The following NOLC1 variants were observed in gnomAD, a reference collection of about 807,000 sequenced individuals.
The protein encoded by NOLC1 is 140 kDa nucleolar phosphoprotein.
Under a neutral mutation model 73.4 loss-of-function variants are expected in NOLC1, and 37 were observed. The observed-to-expected ratio is 0.50, with a 90% confidence interval of 0.39 to 0.66. The LOEUF is 0.66. Ranked by LOEUF, NOLC1 falls within the 30% of genes least tolerant of loss-of-function variation. The pLI is 0.00. For missense variants in NOLC1, 921 were observed against 838.9 expected (o/e 1.10, Z -1.21); for synonymous variants, 327 against 302.6 (o/e 1.08, Z -0.84).
Position 102,162,179 on chromosome 10 carries a change from T to G in NOLC1, c.2010T>G (p.Phe670Leu), listed in dbSNP as rs773870640. 1.2e-6 allele frequency: 2 copies of G among 1,614,078 alleles called. No homozygotes were observed. Among genetic ancestry groups the G allele is most frequent in the Admixed American group, 3.3e-5 (2 of 60,000 alleles). ...TGAAGTTCACCAAAGGCAAGTCCTT[T>G]CGGCATGAGAAAACCAAGAAGAAGC... is the stretch of plus-strand genomic sequence containing the variant. ...QVLKFTKGKS[F>L]RHEKTKKKRG... is the part of the protein sequence containing the mutation. Residue 670 changes from phenylalanine to leucine, a missense_variant, in exon 13 of 13, where the codon TTT (phenylalanine) becomes TTG (leucine). Coordinates refer to ENST00000605788, the MANE Select transcript of NOLC1 (RefSeq NM_004741.5).
At chr10:102,156,272 G>A (rs1483760297) in intron 1 of NOLC1, among the ~76,000 whole-genome samples, 2 of 152,172 alleles carry the variant, frequency 1.3e-5, no homozygotes, top group African/African-American at 4.8e-5. Flanking sequence ...TAAAGAGAGA[G>A]CCTTTTTTTT....
chr10:102,157,934 A>G (rs2069625771), intron 4 of NOLC1, 115 bp from the exon 5 acceptor site: 1 of 936,522 alleles, frequency 1.1e-6, no homozygotes, highest in Non-Finnish European at 1.6e-6. Flanking sequence ...TCCTGTCCTT[A>G]GCTTTCTTTT....
rs775513334 is a variant in NOLC1, at chr10:102,157,015, A to G, written c.121-4A>G. The G allele has an allele frequency of 1.2e-5, 20 of 1,614,116 alleles. No individual in the cohort carries two copies. The highest frequency in any genetic ancestry group is 1.7e-4 in the Middle Eastern group (1 of 6,058). Reference sequence around the variant, plus strand: ...TTCCTTACCCAGCTCTTTTTCTTCTACAGACACAGCAGGATGCCAATGCCT... The same window carrying G: ...TTCCTTACCCAGCTCTTTTTCTTCTGCAGACACAGCAGGATGCCAATGCCT... On this transcript the variant is annotated splice_polypyrimidine_tract_variant and splice_region_variant and intron_variant, in intron 1 of 12. Transcript: ENST00000605788.
rs989665105 is a variant in NOLC1 at position 102,158,037 on chromosome 10, C to G, written c.442-12C>G. On this transcript the variant is annotated splice_polypyrimidine_tract_variant and intron_variant, in intron 4 of 12. Transcript: ENST00000605788. The stretch of plus-strand genomic sequence containing the variant: ...CTTTTGCTGATTTCTCTCCTTGTGT[C>G]TTTTCTAACAGAAGGGAGTTAAGCC... The G allele has an allele frequency of 6.2e-7, 1 of 1,610,294 alleles. No individual in the cohort carries two copies. Among genetic ancestry groups the G allele is most frequent in the African/African-American group, 1.3e-5 (1 of 74,798 alleles).
chr10:102,157,695 G>A (rs2069623002), intron 4 of NOLC1, 140 bp downstream of exon 4: 13 of 1,063,280 alleles, frequency 1.2e-5, no homozygotes, highest in Non-Finnish European at 1.7e-5. Flanking sequence ...GGATTTTCAG[G>A]GAGCTGATAA....
At chr10:102,161,440 C>T in intron 10 of NOLC1, 116 bp from the exon 11 acceptor site, 1 of 740,180 alleles carries the variant, frequency 1.4e-6, no homozygotes. Context: ...CTATATTGCC[C>T]AGGCTGATCT....
At chr10:102,153,191 C>T (rs779989532) in intron 1 of NOLC1, among the ~76,000 whole-genome samples, 1 of 152,154 alleles carries the variant, frequency 6.6e-6, no homozygotes, top group Admixed American at 6.6e-5. Flanking sequence ...CTTTCTGAGT[C>T]TTTCTACAGG....
rs772423559 is a variant in NOLC1 at position 102,161,085 on chromosome 10, C to G, written c.1733C>G (p.Ser578Cys). 2 of 1,606,696 alleles carry G rather than the reference C, an allele frequency of 1.2e-6. No individual in the cohort carries two copies. Among genetic ancestry groups the G allele is most frequent in the Middle Eastern group, 1.7e-4 (1 of 6,026 alleles). Reference protein sequence around the residue: ...EEKKKAAVVVSKSGSLKKRKQ... With the variant: ...EEKKKAAVVVCKSGSLKKRKQ... ...AAGAAAAAGGCGGCAGTGGTAGTTT[C>G]CAAATCAGGTCTGTACCCAATGAAC... is the stretch of plus-strand genomic sequence containing the variant. Residue 578 changes from serine to cysteine, a missense_variant, in exon 10 of 13, where the codon TCC (serine) becomes TGC (cysteine). Ser to Cys is a moderately radical substitution (Grantham distance 112). Coordinates refer to ENST00000605788, the MANE Select transcript of NOLC1 (RefSeq NM_004741.5).
chr10:102,157,994 C>T (rs2069626577), intron 4 of NOLC1, 55 bp from the exon 5 acceptor site: 4 of 1,537,394 alleles, frequency 2.6e-6, no homozygotes, highest in African/African-American at 1.4e-5. Flanking sequence ...CCTAGGATGC[C>T]CTTTGGGTAC....
chr10:102,160,193 G>T, intron 8 of NOLC1, 40 bp from the exon 9 acceptor site: 1 of 1,600,308 alleles, frequency 6.2e-7, no homozygotes, highest in South Asian at 1.1e-5. Flanking sequence ...TGGTTGGGTT[G>T]GGACTCTGGA....
At chr10:102,155,109 A>T (rs1590374225) in intron 1 of NOLC1, among the ~76,000 whole-genome samples, 1 of 140,858 alleles carries the variant, frequency 7.1e-6, no homozygotes, top group South Asian at 2.3e-4. Context: ...CACAACCTCC[A>T]CCTCCTGGGT....
intron 1 of NOLC1, among the ~76,000 whole-genome samples, chr10:102,155,305 G>A (rs530677983): frequency 5.3e-5 from 8 of 151,568 alleles, no homozygotes; most frequent in Admixed American, 6.6e-5. Flanking sequence ...GATTACAGGC[G>A]TTTAGCCACC....
intron 1 of NOLC1, among the ~76,000 whole-genome samples, chr10:102,154,809 G>A (rs569761576): frequency 2.6e-5 from 4 of 151,762 alleles, no homozygotes; most frequent in East Asian, 2.0e-4. Context: ...TTACAGGCCC[G>A]TGAGCCACTG....
At position 102,152,447 on chromosome 10, in the gene NOLC1, G is replaced by T. The variant is rs373081405; in HGVS notation, c.37G>T (p.Asp13Tyr). 6 of 1,613,014 alleles carry T rather than the reference G, an allele frequency of 3.7e-6. No individual in the cohort carries two copies. The highest frequency in any genetic ancestry group is 5.1e-6 in the Non-Finnish European group (6 of 1,180,034). ...CGGCATTCGCCGCGTGGTTCCCAGC[G>T]ACCTGTATCCCCTCGTGCTCGGCTT... The part of the protein sequence containing the change: ...DAGIRRVVPS[D>Y]LYPLVLGFLR... Residue 13 changes from aspartate (D) to tyrosine (Y), a missense_variant, in exon 1 of 13, where the codon GAC becomes TAC. Transcript: ENST00000605788.
Position 102,162,606 on chromosome 10 carries a change from G to T in NOLC1, c.*337G>T, listed in dbSNP as rs1264276985. ...ATTAAATCACTTACTATTGATTTTT[G>T]TTGTGATTTTCAAAGGTGGATTCCC... On this transcript the variant is annotated 3_prime_UTR_variant, in exon 13 of 13. Coordinates refer to ENST00000605788, the MANE Select transcript of NOLC1 (RefSeq NM_004741.5). The T allele has an allele frequency of 3.0e-5, 5 of 166,206 alleles. No individual in the cohort carries two copies. The Admixed American group carries it at 3.1e-4, about 10-fold the overall frequency. 10.3% of individuals were successfully genotyped at this position (166,206 alleles called of 1,614,324 possible). A position where few individuals can be genotyped will look rare whatever the true frequency, so the allele number is the denominator to read the frequency against.
At chr10:102,153,397 A>G (rs2069538255) in intron 1 of NOLC1, among the ~76,000 whole-genome samples, 1 of 152,236 alleles carries the variant, frequency 6.6e-6, no homozygotes, top group Non-Finnish European at 1.5e-5. Context: ...ACATCAACGG[A>G]CATTCCTGCA....
intron 1 of NOLC1, 41 bp downstream of exon 1, chr10:102,152,571 C>T: frequency 1.2e-6 from 2 of 1,611,246 alleles, no homozygotes; most frequent in African/African-American, 1.3e-5. Context: ...CTGAGATGAC[C>T]ACAAGGCTTC....
rs1209877172 is a variant in NOLC1 at position 102,159,439 on chromosome 10, C to T, written c.730C>T (p.Pro244Ser). The part of the protein sequence containing the change: ...KAAATPKKTV[P>S]KKQVVAKAPV... ...AATTTTCTTTCTAATGCAGACTGTA[C>T]CTAAAAAGCAAGTTGTGGCCAAGGC... The change falls in exon 7 of 13, where the codon CCT becomes TCT. Residue 244 changes from proline to serine, a missense_variant. By Grantham distance (74) the Pro-to-Ser change is moderately conservative. Transcript: ENST00000605788. The T allele has an allele frequency of 1.2e-6, 2 of 1,613,954 alleles. No individual in the cohort carries two copies. The highest frequency in any genetic ancestry group is 1.3e-5 in the African/African-American group (1 of 74,890).
intron 4 of NOLC1, 143 bp from the exon 5 acceptor site, chr10:102,157,905 GT>G: frequency 2.7e-6 from 2 of 734,346 alleles, no homozygotes; most frequent in East Asian, 2.7e-5. Flanking sequence ...GAACTTTGTT[GT>G]TTTTTGCCCT....
Sources: gnomAD v4.1 joint callset for allele counts (sites outside exome capture counted in the v4.1 genomes callset) on GRCh38, gnomAD v4.1.1 for gene constraint, MANE v1.5 for transcripts, NCBI Gene and HGNC (gene_info 2026-07-23, HGNC 2026-07-21) for gene names.